DDX60L: variants seen among roughly 807,000 people sequenced by gnomAD.
DDX60L encodes DExD/H-box 60 like, also known as probable ATP-dependent RNA helicase DDX60-like.
DDX60L carries 191 observed loss-of-function variants against 211.6 expected under a neutral mutation model. The ratio of observed to expected loss-of-function variants is 0.90; its 90% CI spans 0.80 to 1.02. The LOEUF (loss-of-function observed/expected upper bound fraction) is 1.02. Among genes scored for constraint, DDX60L ranks in the 50% least tolerant of loss-of-function variants. The pLI, the probability that DDX60L is intolerant of heterozygous loss-of-function variation, is 0.00. For synonymous variants in DDX60L, 706 were observed against 694.1 expected (o/e 1.02, Z -0.27); for missense variants, 2,007 against 1,984.1 (o/e 1.01, Z -0.22).
intron 19 of DDX60L, among the ~76,000 whole-genome samples, chr4:168,418,882 G>A (rs1475044167): frequency 1.3e-5 from 2 of 152,236 alleles, no homozygotes; most frequent in Admixed American, 6.5e-5. Flanking sequence ...AGAGAAGACA[G>A]TGAGGTCAAG....
chr4:168,420,493 C>A, intron 17 of DDX60L, 113 bp from the exon 18 acceptor site: 1 of 624,376 alleles, frequency 1.6e-6, no homozygotes. Flanking sequence ...CACACACACA[C>A]ACACACACAC....
chr4:168,405,040 CCT>C (rs1747497560), intron 24 of DDX60L, among the ~76,000 whole-genome samples: 2 of 151,618 alleles, frequency 1.3e-5, no homozygotes, highest in African/African-American at 4.8e-5. Context: ...GATGAGTCTC[CCT>C]CTGTTGCCCA....
At chr4:168,366,313 CA>C (rs1265365350) in intron 36 of DDX60L, among the ~76,000 whole-genome samples, 1 of 151,974 alleles carries the variant, frequency 6.6e-6, no homozygotes, top group Non-Finnish European at 1.5e-5. Flanking sequence ...AATTAACACA[CA>C]AAAATCAGTA....
Position 168,472,579 on chromosome 4 carries a change from T to C in DDX60L, c.5-55A>G. On this transcript the variant is annotated intron_variant, in intron 2 of 37. Transcript: ENST00000682922. ...AATATTTTTACACAGCTATATAATT[T>C]AGTAATTATTAAGGAAATGAAATAT... 1.9e-6 allele frequency: 3 copies of C among 1,554,524 alleles called. No homozygotes were observed. The East Asian group carries it at 6.9e-5, about 36-fold the overall frequency.
In DDX60L at chr4:168,427,163, T is replaced by C; in HGVS notation, c.1837A>G (p.Thr613Ala). The C allele has an allele frequency of 1.9e-6, 3 of 1,611,106 alleles. No homozygotes were observed. Among genetic ancestry groups the C allele is most frequent in the Non-Finnish European group, 2.5e-6 (3 of 1,178,062 alleles). The change falls in exon 14 of 38, where the codon ACA becomes GCA. Residue 613 changes from threonine to alanine, a missense_variant. By Grantham distance (58) the Thr-to-Ala change is moderately conservative. Transcript: ENST00000682922. ...SGIRKLEDYLTSCASNSVKFG... is the reference protein window; with the variant it reads ...SGIRKLEDYLASCASNSVKFG... ...TTCACTGAATTACTTGCACATGATG[T>C]CAAATAATCTTCCAATTTCCTTATT...
intron 22 of DDX60L, among the ~76,000 whole-genome samples, chr4:168,407,301 G>A (rs754238566): frequency 2.6e-5 from 4 of 152,134 alleles, no homozygotes; most frequent in Admixed American, 6.5e-5. Context: ...ATCAGCTTCC[G>A]TCTGAAGCCT....
In DDX60L at chr4:168,426,995, T is replaced by A. The variant is rs1048929983; in HGVS notation, c.1930+75A>T. 39 of 1,418,946 alleles carry A rather than the reference T, an allele frequency of 2.7e-5. No individual in the cohort carries two copies. The African/African-American group carries it at 4.0e-4, about 15-fold the overall frequency. 87.9% of individuals were successfully genotyped at this position (1,418,946 alleles called of 1,614,324 possible). A position where few individuals can be genotyped will look rare whatever the true frequency, so the allele number is the denominator to read the frequency against. ...ATTATACAAAGTTTTAGCACAACCA[T>A]GCATTCAGTAAATATGTTAACATCA... On this transcript the variant is annotated intron_variant, in intron 14 of 37. Coordinates refer to ENST00000682922, the MANE Select transcript of DDX60L (RefSeq NM_001012967.3).
intron 5 of DDX60L, among the ~76,000 whole-genome samples, chr4:168,460,354 C>A (rs1489728076): frequency 6.6e-6 from 1 of 152,146 alleles, no homozygotes; most frequent in Non-Finnish European, 1.5e-5. Context: ...ATGAAATTAT[C>A]TCATTACTTG....
rs572879124 is a variant in DDX60L, at chr4:168,478,393, C to T, written c.-111+1984G>A. Among the ~76,000 whole-genome samples, 60 of 152,230 alleles carry T rather than the reference C, an allele frequency of 3.9e-4. No individual in the cohort carries two copies. In the South Asian group the frequency reaches 7.3e-3, roughly 18 times the overall value. Reference sequence around the variant, plus strand: ...ATAGAAACTCTCTGGGTGTAATTAACGGCATAGGGAACTAACTAGAGCATA... The same window carrying T: ...ATAGAAACTCTCTGGGTGTAATTAATGGCATAGGGAACTAACTAGAGCATA... On this transcript the variant is annotated intron_variant, in intron 1 of 37. Transcript: ENST00000682922.
intron 29 of DDX60L, chr4:168,390,626 A>G: frequency 1.5e-6 from 1 of 671,670 alleles, no homozygotes; most frequent in Non-Finnish European, 2.1e-6. Flanking sequence ...AGACTAGGCA[A>G]AGATTATTGT....
intron 24 of DDX60L, 115 bp from the exon 25 acceptor site, chr4:168,404,221 G>T: frequency 1.3e-6 from 1 of 767,056 alleles, no homozygotes; most frequent in Non-Finnish European, 1.9e-6. Flanking sequence ...TATAATTTTG[G>T]GTGGGTTTTT....
At chr4:168,397,737 G>C (rs1746058719) in intron 26 of DDX60L, among the ~76,000 whole-genome samples, 1 of 152,216 alleles carries the variant, frequency 6.6e-6, no homozygotes, top group African/African-American at 2.4e-5. Flanking sequence ...GGCTAATCTG[G>C]AGCGGCCGCT....
At position 168,394,587 on chromosome 4, in the gene DDX60L, A is replaced by G; in HGVS notation, c.3688T>C (p.Phe1230Leu). 5 of 1,613,544 alleles carry G rather than the reference A, an allele frequency of 3.1e-6. No individual in the cohort carries two copies. Among genetic ancestry groups the G allele is most frequent in the Non-Finnish European group, 4.2e-6 (5 of 1,179,690 alleles). The change falls in exon 28 of 38, where the codon TTT (phenylalanine) becomes CTT (leucine). Residue 1230 changes from phenylalanine to leucine, a missense_variant. By Grantham distance (22) the Phe-to-Leu change is conservative. Transcript: ENST00000682922. Reference protein sequence around the residue: ...TLERVLPRVRFTRHGKELKAL... With the variant: ...TLERVLPRVRLTRHGKELKAL... Reference sequence around the variant, plus strand: ...TTCAGTTCTTTGCCGTGTCTTGTAAATCGCACTCGCGGTAATACCCTCTCC... The same window carrying G: ...TTCAGTTCTTTGCCGTGTCTTGTAAGTCGCACTCGCGGTAATACCCTCTCC...
chr4:168,467,510 A>G (rs181513359), intron 4 of DDX60L, among the ~76,000 whole-genome samples: 14 of 151,480 alleles, frequency 9.2e-5, no homozygotes, highest in Admixed American at 8.5e-4. Flanking sequence ...TCTTTAGGCA[A>G]TAAGAGGAAA....
chr4:168,391,672 TAC>T, intron 28 of DDX60L, 28 bp from the exon 29 acceptor site: 1 of 1,199,994 alleles, frequency 8.3e-7, no homozygotes, highest in Non-Finnish European at 1.2e-6. Context: ...AAACAGTCAA[TAC>T]ACAATATAGC....
At chr4:168,411,601 G>A (rs1262062230) in intron 22 of DDX60L, among the ~76,000 whole-genome samples, 1 of 152,116 alleles carries the variant, frequency 6.6e-6, no homozygotes, top group Non-Finnish European at 1.5e-5. Context: ...TCTGAAACTG[G>A]CAAGCTCGTC....
At position 168,468,914 on chromosome 4, in the gene DDX60L, G is replaced by A. The variant is rs1414924869; in HGVS notation, c.264+2833C>T. 2.0e-5 allele frequency: 3 copies of A among 152,100 alleles called. No individual in the cohort carries two copies. The East Asian group carries it at 5.8e-4, about 29-fold the overall frequency. The allele number at this position is 152,100 out of a possible 1,614,324, so 9.4% of individuals were successfully genotyped here. Reference sequence around the variant, plus strand: ...TTGAAATAGATTTAGCAAAAGATGTGCAACGCCTCCACACTGAAGACTACA... The same window carrying A: ...TTGAAATAGATTTAGCAAAAGATGTACAACGCCTCCACACTGAAGACTACA... On this transcript the variant is annotated intron_variant, in intron 4 of 37. Transcript: ENST00000682922.
At chr4:168,456,178 T>C in intron 6 of DDX60L, 26 bp from the exon 7 acceptor site, 2 of 1,367,940 alleles carry the variant, frequency 1.5e-6, no homozygotes, top group Non-Finnish European at 2.0e-6. Context: ...TTTCTTCAAA[T>C]GTCAAATTAT....
chr4:168,421,685 C>A, intron 17 of DDX60L, 75 bp downstream of exon 17: 1 of 1,551,818 alleles, frequency 6.4e-7, no homozygotes, highest in Non-Finnish European at 8.8e-7. Flanking sequence ...TTAGATCTAG[C>A]ATGTGACCGT....
Sources: gnomAD v4.1 joint callset for allele counts (sites outside exome capture counted in the v4.1 genomes callset) on GRCh38, gnomAD v4.1.1 for gene constraint, MANE v1.5 for transcripts, NCBI Gene and HGNC (gene_info 2026-07-23, HGNC 2026-07-21) for gene names.